TIPIN: variants seen among roughly 807,000 people sequenced by gnomAD.
TIPIN encodes the protein TIMELESS-interacting protein.
A neutral mutation model predicts 35.6 loss-of-function variants in TIPIN; 29 were observed. The ratio of observed to expected loss-of-function variants is 0.82; its 90% confidence interval spans 0.61 to 1.11. The LOEUF (loss-of-function observed/expected upper bound fraction) is 1.11. Among genes scored for constraint, TIPIN ranks in the 50% most tolerant of loss-of-function variants. The pLI is 0.00. For synonymous variants in TIPIN, 102 were observed against 121.5 expected, an observed-to-expected ratio of 0.84 and a Z score of 1.06; for missense variants, 296 against 345.4, an observed-to-expected ratio of 0.86 and a Z score of 1.13.
intron 1 of TIPIN, among the ~76,000 whole-genome samples, chr15:66,374,771 G>A (rs142933289): frequency 3.3e-5 from 5 of 152,016 alleles, no homozygotes; most frequent in African/African-American, 7.2e-5. Flanking sequence ...TAGTAGAGAC[G>A]GGGTTTCACC....
rs187288764 is a variant in TIPIN at position 66,351,430 on chromosome 15, T to C, written c.288+95A>G. ...AGACATACGACGACTAAGGATAGTA[T>C]CTTAAAGCATTCTGAGATTTCCAAG... On this transcript the variant is annotated intron_variant, in intron 4 of 7. Coordinates refer to ENST00000261881, the MANE Select transcript of TIPIN (RefSeq NM_017858.3). The C allele has an allele frequency of 5.6e-6, 5 of 892,882 alleles. No homozygotes were observed. In the East Asian group the frequency reaches 1.2e-4, roughly 22 times the overall value. 55.3% of individuals were successfully genotyped at this position (892,882 alleles called of 1,614,324 possible).
At chr15:66,369,570 G>T (rs151100236) in intron 1 of TIPIN, among the ~76,000 whole-genome samples, 1,706 of 151,804 alleles carry the variant, frequency 0.011, 26 homozygotes, top group African/African-American at 0.038. Flanking sequence ...GGATGGTCTC[G>T]ATCTCCACAT....
intron 1 of TIPIN, chr15:66,383,099 T>C: frequency 1.8e-6 from 1 of 565,516 alleles, no homozygotes; most frequent in East Asian, 1.5e-4. Flanking sequence ...ATCATAATAT[T>C]TCAATATTAA....
chr15:66,352,293 A>G (rs2140463902), intron 2 of TIPIN, 86 bp from the exon 3 acceptor site: 1 of 1,090,176 alleles, frequency 9.2e-7, no homozygotes, highest in Non-Finnish European at 1.3e-6. Context: ...TGATAAGATA[A>G]CTAAACATGG....
chr15:66,345,909 C>A (rs1210428977), intron 6 of TIPIN, among the ~76,000 whole-genome samples: 2 of 151,768 alleles, frequency 1.3e-5, no homozygotes, highest in African/African-American at 4.8e-5. Context: ...TATATTTCAG[C>A]ATGCTTGTAA....
chr15:66,367,000 A>T (rs953869285), intron 1 of TIPIN: 2 of 429,788 alleles, frequency 4.7e-6, no homozygotes, highest in African/African-American at 4.3e-5. Context: ...GGTCAACATG[A>T]CGAAACACCG....
In TIPIN at chr15:66,341,370, G is replaced by T. The variant is rs370794546; in HGVS notation, c.476-14C>A. 7.5e-6 allele frequency: 12 copies of T among 1,600,856 alleles called. No individual in the cohort carries two copies. The highest frequency in any genetic ancestry group is 1.0e-5 in the Non-Finnish European group (12 of 1,172,786). ...CCGCAACTTCATCTGCAATAGAAAA[G>T]AAATAGTACATCTGTGGTGTTAGAC... On this transcript the variant is annotated splice_polypyrimidine_tract_variant and intron_variant, in intron 6 of 7. Transcript: ENST00000261881.
intron 1 of TIPIN, among the ~76,000 whole-genome samples, chr15:66,365,177 C>A (rs1716624829): frequency 1.3e-5 from 2 of 152,006 alleles, no homozygotes; most frequent in African/African-American, 4.8e-5. Context: ...GTCACAAAGA[C>A]CTGCTGGTAA....
intron 6 of TIPIN, among the ~76,000 whole-genome samples, chr15:66,346,734 C>T (rs536920351): frequency 1.9e-4 from 29 of 152,282 alleles, no homozygotes; most frequent in African/African-American, 6.7e-4. Flanking sequence ...ATACCCAATC[C>T]TATGCCATCC....
intron 1 of TIPIN, among the ~76,000 whole-genome samples, chr15:66,380,168 A>C (rs780739785): frequency 4.0e-5 from 6 of 149,270 alleles, no homozygotes; most frequent in Non-Finnish European, 8.9e-5. Flanking sequence ...CGCCCGGCTA[A>C]TTTTTTGTAT....
At position 66,352,223 on chromosome 15, in the gene TIPIN, A is replaced by G; in HGVS notation, c.134-16T>C. 6.5e-7 allele frequency: 1 copy of G among 1,539,234 alleles called. No individual in the cohort carries two copies. The highest frequency in any genetic ancestry group is 8.9e-7 in the Non-Finnish European group (1 of 1,122,950). On this transcript the variant is annotated splice_polypyrimidine_tract_variant and intron_variant, in intron 2 of 7. Coordinates refer to ENST00000261881, the MANE Select transcript of TIPIN (RefSeq NM_017858.3). ...TTTCCTGACTCTGGTGAAACAAACC[A>G]CGATTCAGTATTACTGTACTTAAAT...
chr15:66,342,413 G>C (rs980886512), intron 6 of TIPIN, among the ~76,000 whole-genome samples: 1 of 151,908 alleles, frequency 6.6e-6, no homozygotes, highest in African/African-American at 2.4e-5. Flanking sequence ...ACCCAGGCTG[G>C]AGTGCAATGG....
At chr15:66,382,979 T>C (rs1030876159) in intron 1 of TIPIN, 1 of 985,316 alleles carries the variant, frequency 1.0e-6, no homozygotes, top group African/African-American at 1.7e-5. Flanking sequence ...TTCTCCTACC[T>C]TGAACTATTC....
chr15:66,373,896 T>A (rs2093286559), intron 1 of TIPIN, among the ~76,000 whole-genome samples: 1 of 151,890 alleles, frequency 6.6e-6, no homozygotes, highest in African/African-American at 2.4e-5. Flanking sequence ...AGAGACAGGG[T>A]CGCCCTATGT....
Position 66,336,623 on chromosome 15 carries a change from G to C in TIPIN, c.*335C>G. 1 of 282,244 alleles carries C rather than the reference G, an allele frequency of 3.5e-6. No individual in the cohort carries two copies. The highest frequency in any genetic ancestry group is 6.9e-6 in the Non-Finnish European group (1 of 145,176). The allele number at this position is 282,244 out of a possible 1,614,324, so 17.5% of individuals were successfully genotyped here. A position where few individuals can be genotyped will look rare whatever the true frequency, so the allele number is the denominator to read the frequency against. ...CTCTGGGCACACTGTCCATGGATTA[G>C]CCCTGCTTTGCAAGGAGCAGTAAAA... On this transcript the variant is annotated 3_prime_UTR_variant, in exon 8 of 8. Coordinates refer to ENST00000261881, the MANE Select transcript of TIPIN (RefSeq NM_017858.3).
chr15:66,347,118 T>G (rs1016501829), intron 6 of TIPIN: 3 of 387,134 alleles, frequency 7.7e-6, no homozygotes, highest in Non-Finnish European at 1.0e-5. Context: ...TTTACATGTT[T>G]GAAAGTAGTT....
At chr15:66,382,967 A>C in intron 1 of TIPIN, 1 of 985,400 alleles carries the variant, frequency 1.0e-6, no homozygotes, top group Non-Finnish European at 1.2e-6. Flanking sequence ...GAGGAAAACA[A>C]ATTCTCCTAC....
At chr15:66,385,966 T>G (rs1171771979) in intron 1 of TIPIN, among the ~76,000 whole-genome samples, 5 of 151,930 alleles carry the variant, frequency 3.3e-5, no homozygotes, top group Non-Finnish European at 7.4e-5. Flanking sequence ...GACGGGGGAC[T>G]CACTATGTTG....
chr15:66,368,118 C>A (rs1026333781), intron 1 of TIPIN, among the ~76,000 whole-genome samples: 4 of 152,082 alleles, frequency 2.6e-5, no homozygotes, highest in African/African-American at 7.2e-5. Flanking sequence ...AGGCGTGAGA[C>A]CCTACGCCCA....
Sources: allele counts gnomAD v4.1 joint callset (sites outside exome capture counted in the v4.1 genomes callset), GRCh38; gene constraint gnomAD v4.1.1; transcripts MANE v1.5; gene names NCBI Gene and HGNC (gene_info 2026-07-23, HGNC 2026-07-21).